ABCC1: variants seen among roughly 807,000 people sequenced by gnomAD.
ABCC1 encodes multidrug resistance-associated protein 1.
ABCC1 carries 83 observed loss-of-function variants against 172.9 expected under a neutral mutation model. The observed-to-expected ratio is 0.48, with a 90% CI of 0.40 to 0.58. The LOEUF (loss-of-function observed/expected upper bound fraction) is 0.58, where lower values mean the gene tolerates loss of function less well. Ranked by LOEUF, ABCC1 falls within the 20% of genes least tolerant of loss-of-function variation. The probability of loss-of-function intolerance (pLI) is 0.00; values close to 1 mark genes in which losing one functional copy is unlikely to be tolerated. For missense variants in ABCC1, 1,817 were observed against 2,002.7 expected, an observed-to-expected ratio of 0.91 and a Z score of 1.77; for synonymous variants, 937 against 825.2, an observed-to-expected ratio of 1.14 and a Z score of -2.32.
intron 20 of ABCC1, 74 bp from the exon 21 acceptor site, chr16:16,106,664 A>G (rs919561119): frequency 1.2e-5 from 19 of 1,588,922 alleles, no homozygotes; most frequent in Middle Eastern, 1.7e-4. Context: ...CCACAATAGC[A>G]GTCCCAGCAG....
chr16:15,984,743 CTATATATG>C (rs1378378283), intron 1 of ABCC1, among the ~76,000 whole-genome samples: 2 of 152,096 alleles, frequency 1.3e-5, no homozygotes, highest in Admixed American at 1.3e-4. Flanking sequence ...CGCGCCCGGC[CTATATATG>C]TATTATATAA....
chr16:16,134,614 A>C, intron 28 of ABCC1, 106 bp downstream of exon 28: 11 of 879,434 alleles, frequency 1.3e-5, no homozygotes, highest in Admixed American at 6.5e-5. Context: ...ATTTGGCCCT[A>C]CTTCATCGTT....
At chr16:16,119,773 G>C (rs917758801) in intron 23 of ABCC1, among the ~76,000 whole-genome samples, 1 of 152,198 alleles carries the variant, frequency 6.6e-6, no homozygotes, top group Non-Finnish European at 1.5e-5. Context: ...GCAGTGGCAA[G>C]TGGAGGAAAG....
chr16:15,994,420 C>A (rs2046982029), intron 1 of ABCC1, among the ~76,000 whole-genome samples: 1 of 152,134 alleles, frequency 6.6e-6, no homozygotes, highest in African/African-American at 2.4e-5. Flanking sequence ...TTTTAATAGT[C>A]CTGACTTTGT....
chr16:16,094,835 T>C (rs2051404473), intron 19 of ABCC1, among the ~76,000 whole-genome samples: 1 of 147,994 alleles, frequency 6.8e-6, no homozygotes, highest in Non-Finnish European at 1.5e-5. Context: ...TTTTTTTTTT[T>C]TGATACAGAG....
rs765042675 is a variant in ABCC1, at chr16:16,138,484, C to T, written c.4413C>T (p.Thr1471=). ...DLETDDLIQS[T]IRTQFEDCTV... ...AAACGGACGACCTCATCCAGTCCAC[C>T]ATCCGGACACAGTTCGAGGACTGCA... The change falls in exon 30 of 31, where the codon ACC becomes ACT. Residue 1471 remains threonine, a synonymous_variant. Transcript: ENST00000399410. 3.7e-6 allele frequency: 6 copies of T among 1,613,076 alleles called. No homozygotes were observed. The highest frequency in any genetic ancestry group is 1.7e-5 in the Admixed American group (1 of 59,968).
intron 7 of ABCC1, among the ~76,000 whole-genome samples, chr16:16,039,213 GTGTGTGTGTGTGTGTGTGTGTATGTA>G (rs1477504560): frequency 1.0e-4 from 14 of 135,718 alleles, no homozygotes; most frequent in South Asian, 6.8e-4. Flanking sequence ...AAGCTTTTGT[GTGTGTGTGTGTGTGTGTGTGTATGTA>G]TGTGTGTGTG....
At chr16:15,990,371 T>G (rs919791321) in intron 1 of ABCC1, among the ~76,000 whole-genome samples, 1 of 152,136 alleles carries the variant, frequency 6.6e-6, no homozygotes, top group Admixed American at 6.5e-5. Context: ...AAGTATACAA[T>G]ATAGTATTGT....
chr16:16,085,707 G>A (rs768481948), intron 17 of ABCC1, among the ~76,000 whole-genome samples: 1 of 152,204 alleles, frequency 6.6e-6, no homozygotes, highest in South Asian at 2.1e-4. Flanking sequence ...TTGAACCTGG[G>A]AAGCGGAGAT....
At chr16:15,996,884 T>C (rs1377630744) in intron 1 of ABCC1, among the ~76,000 whole-genome samples, 1 of 152,126 alleles carries the variant, frequency 6.6e-6, no homozygotes, top group Non-Finnish European at 1.5e-5. Flanking sequence ...TTAGTCATCA[T>C]CATTCAGCCC....
intron 21 of ABCC1, among the ~76,000 whole-genome samples, chr16:16,107,665 A>G (rs935621712): frequency 6.6e-6 from 1 of 152,122 alleles, no homozygotes; most frequent in Non-Finnish European, 1.5e-5. Context: ...TGCCTTCTCA[A>G]CCTATCAACC....
At chr16:16,026,731 C>A (rs1175805309) in intron 5 of ABCC1, among the ~76,000 whole-genome samples, 3 of 151,952 alleles carry the variant, frequency 2.0e-5, no homozygotes, top group Admixed American at 2.0e-4. Flanking sequence ...GCCTAGCCAA[C>A]ATGGTGAAAC....
intron 5 of ABCC1, among the ~76,000 whole-genome samples, chr16:16,027,480 C>A (rs1370554142): frequency 6.6e-6 from 1 of 152,030 alleles, no homozygotes; most frequent in Non-Finnish European, 1.5e-5. Flanking sequence ...TTTTTCCCCC[C>A]CAAACACTTG....
At chr16:16,129,614 T>A (rs2045598690) in intron 26 of ABCC1, among the ~76,000 whole-genome samples, 3 of 150,296 alleles carry the variant, frequency 2.0e-5, no homozygotes, top group Non-Finnish European at 4.4e-5. Context: ...CTTGGCTCAC[T>A]GCAACCTCTG....
intron 20 of ABCC1, among the ~76,000 whole-genome samples, chr16:16,106,120 G>A (rs958623432): frequency 5.3e-5 from 8 of 151,810 alleles, no homozygotes; most frequent in Non-Finnish European, 1.0e-4. Flanking sequence ...CAAGTGATCC[G>A]CCCACCTCGG....
At chr16:16,009,671 G>A in intron 2 of ABCC1, 105 bp from the exon 3 acceptor site, 1 of 1,250,952 alleles carries the variant, frequency 8.0e-7, no homozygotes, top group Non-Finnish European at 1.1e-6. Flanking sequence ...CTGATCATTT[G>A]AAGGCTGGCT....
chr16:16,050,890 C>G (rs28449253), intron 10 of ABCC1, among the ~76,000 whole-genome samples: 33 of 151,746 alleles, frequency 2.2e-4, no homozygotes, highest in African/African-American at 7.0e-4. Flanking sequence ...GGTGACAAGG[C>G]AAGACCCTGT....
chr16:15,968,016 C>G (rs1444157697), intron 1 of ABCC1, among the ~76,000 whole-genome samples: 1 of 152,082 alleles, frequency 6.6e-6, no homozygotes, highest in Admixed American at 6.6e-5. Context: ...ACATGAAAAT[C>G]CCTTCTAGAG....
intron 14 of ABCC1, among the ~76,000 whole-genome samples, chr16:16,072,870 C>T (rs192507865): frequency 8.1e-4 from 123 of 151,254 alleles, no homozygotes; most frequent in African/African-American, 2.5e-3. Flanking sequence ...GGTGAAACCC[C>T]GTCTCTACTG....
Sources: gnomAD v4.1 joint callset for allele counts (sites outside exome capture counted in the v4.1 genomes callset) on GRCh38, gnomAD v4.1.1 for gene constraint, MANE v1.5 for transcripts, NCBI Gene and HGNC (gene_info 2026-07-23, HGNC 2026-07-21) for gene names.